The following GPLD1 variants were observed in gnomAD, a reference collection of about 807,000 sequenced individuals.
GPLD1 encodes phosphatidylinositol-glycan-specific phospholipase D.
In GPLD1, 84 loss-of-function variants were observed where a neutral mutation model predicts 112.6. The observed-to-expected ratio is 0.75, with a 90% CI of 0.63 to 0.89. The LOEUF (loss-of-function observed/expected upper bound fraction) is 0.89, where lower values mean the gene tolerates loss of function less well. Ranked by LOEUF, GPLD1 falls within the 40% of genes least tolerant of loss-of-function variation. GPLD1 has a pLI of 0.00. For missense variants in GPLD1, 1,044 were observed against 1,051.5 expected (o/e 0.99, Z 0.10); for synonymous variants, 386 against 403.8 (o/e 0.96, Z 0.53).
In GPLD1 at chr6:24,448,151, T is replaced by C; in HGVS notation, c.1504A>G (p.Ile502Val). The change falls in exon 16 of 25, where the codon ATC (isoleucine) becomes GTC (valine). Residue 502 changes from isoleucine to valine, a missense_variant. Ile to Val is a conservative substitution (Grantham distance 29). Coordinates refer to ENST00000230036, the MANE Select transcript of GPLD1 (RefSeq NM_001503.4). Reference protein sequence around the residue: ...KQGGMSSSPNITISCQDIYCN... With the variant: ...KQGGMSSSPNVTISCQDIYCN... ...AAACATACCTGGCAAGAAATGGTGATGTTAGGGGAAGAAGACATTCCTCCT... is the reference window on the plus strand; with the variant it reads ...AAACATACCTGGCAAGAAATGGTGACGTTAGGGGAAGAAGACATTCCTCCT... The C allele has an allele frequency of 1.9e-6, 3 of 1,611,266 alleles. No homozygotes were observed. Among genetic ancestry groups the C allele is most frequent in the Non-Finnish European group, 2.5e-6 (3 of 1,179,266 alleles).
intron 22 of GPLD1, 66 bp downstream of exon 22, chr6:24,436,510 G>A (rs1328641163): frequency 7.2e-7 from 1 of 1,386,976 alleles, no homozygotes; most frequent in Admixed American, 1.7e-5. Flanking sequence ...GTGGACATGA[G>A]TTAACAAGGA....
Position 24,437,187 on chromosome 6 carries a change from G to A in GPLD1, c.2123C>T (p.Thr708Ile), listed in dbSNP as rs767679674. 2 of 1,614,160 alleles carry A rather than the reference G, an allele frequency of 1.2e-6. No individual in the cohort carries two copies. Among genetic ancestry groups the A allele is most frequent in the South Asian group, 2.2e-5 (2 of 91,084 alleles). Residue 708 changes from threonine (T) to isoleucine (I), a missense_variant, in exon 21 of 25, where the codon ACC becomes ATC. By Grantham distance (89) the Thr-to-Ile change is moderately conservative (BLOSUM62 -1). Coordinates refer to ENST00000230036, the MANE Select transcript of GPLD1 (RefSeq NM_001503.4). ...TSDAQPLLLS[T>I]FSGDRRFSRF... The stretch of plus-strand genomic sequence containing the variant: ...GGAGAAGCGGCGGTCTCCGCTGAAG[G>A]TGCTGAGCAGCAGAGGCTGCGCGTC...
intron 7 of GPLD1, 140 bp downstream of exon 7, chr6:24,472,442 G>T: frequency 1.8e-6 from 1 of 569,914 alleles, no homozygotes; most frequent in South Asian, 2.4e-5. Flanking sequence ...TCTAAACTAT[G>T]CTAATATGCA....
chr6:24,446,312 A>G (rs553156327), intron 18 of GPLD1, among the ~76,000 whole-genome samples: 47 of 150,972 alleles, frequency 3.1e-4, no homozygotes, highest in Admixed American at 6.6e-4. Context: ...CCTGGGCAAC[A>G]CTGCAAAAAC....
At chr6:24,474,569 C>G (rs1763944771) in intron 5 of GPLD1, among the ~76,000 whole-genome samples, 1 of 152,146 alleles carries the variant, frequency 6.6e-6, no homozygotes, top group Admixed American at 6.6e-5. Flanking sequence ...AACAAAACAT[C>G]ACATCTATGA....
intron 15 of GPLD1, 91 bp downstream of exon 15, chr6:24,449,698 T>TGCTCCAGGGGCTCATCCCA (rs910870564): frequency 1.2e-6 from 1 of 805,470 alleles, no homozygotes; most frequent in African/African-American, 1.7e-5. Flanking sequence ...CTGTCTGCTT[T>TGCTCCAGGGGCTCATCCCA]GCTCCAGGGG....
Position 24,472,582 on chromosome 6 carries a change from C to T in GPLD1, c.545G>A (p.Trp182Ter). ...ATATTTAGATGTACATTGCTCTTAC[C>T]AGCGTCGTGCAAGGTAATTAAAATT... is the stretch of plus-strand genomic sequence containing the variant. ...EFNFNYLARR[W>*]YVPVKDLLGI... Residue 182 changes from tryptophan (W) to a stop codon, truncating the protein, a stop_gained and splice_region_variant, in exon 7 of 25, where the codon TGG (tryptophan) becomes TAG (stop). Transcript: ENST00000230036. LOFTEE classifies it high-confidence loss of function. 1 of 1,572,918 alleles carries T rather than the reference C, an allele frequency of 6.4e-7. No individual in the cohort carries two copies. The highest frequency in any genetic ancestry group is 8.8e-7 in the Non-Finnish European group (1 of 1,142,504).
At chr6:24,483,907 T>C in intron 2 of GPLD1, among the ~76,000 whole-genome samples, 1 of 101,712 alleles carries the variant, frequency 9.8e-6, no homozygotes, top group African/African-American at 4.7e-5. Flanking sequence ...CCACTTTGTT[T>C]TGTTTTGTTT....
chr6:24,436,617 C>A lies in GPLD1; in HGVS notation c.2317G>T (p.Gly773Cys), dbSNP rs754920573. 1.2e-6 allele frequency: 2 copies of A among 1,613,940 alleles called. No individual in the cohort carries two copies. Among genetic ancestry groups the A allele is most frequent in the South Asian group, 2.2e-5 (2 of 91,080 alleles). ...GGAGTTATCCATGATTTGCATTTGC[C>A]AGTCATGTCACCAAGGGTGGTCTCT... ...GKETTLGDMT[G>C]KCKSWITPCP... Residue 773 changes from glycine to cysteine, a missense_variant, in exon 22 of 25, where the codon GGC becomes TGC. Transcript: ENST00000230036.
chr6:24,440,530 T>C (rs1449171819), intron 20 of GPLD1, among the ~76,000 whole-genome samples: 1 of 142,528 alleles, frequency 7.0e-6, no homozygotes, highest in South Asian at 2.2e-4. Context: ...ACTATGAAGA[T>C]GTCAAGAAGA....
chr6:24,431,862 C>G (rs977860403), intron 24 of GPLD1, among the ~76,000 whole-genome samples: 2 of 152,046 alleles, frequency 1.3e-5, no homozygotes, highest in African/African-American at 4.8e-5. Context: ...TCTGCCATAT[C>G]GAAATTTAAA....
chr6:24,432,178 C>G (rs1762423986), intron 24 of GPLD1, among the ~76,000 whole-genome samples: 1 of 139,440 alleles, frequency 7.2e-6, no homozygotes, highest in South Asian at 2.2e-4. Context: ...GTCCAGGAGA[C>G]AGAGGTTGCA....
rs1317024841 is a variant in GPLD1, at chr6:24,437,208, G to A, written c.2102C>T (p.Ala701Val). ...GAAGGTGCTGAGCAGCAGAGGCTGCGCGTCAGATGTGAGTGCGTACATGCG... is the reference window on the plus strand; with the variant it reads ...GAAGGTGCTGAGCAGCAGAGGCTGCACGTCAGATGTGAGTGCGTACATGCG... Reference protein sequence around the residue: ...ATRMYALTSDAQPLLLSTFSG... With the variant: ...ATRMYALTSDVQPLLLSTFSG... Residue 701 changes from alanine to valine, a missense_variant, in exon 21 of 25, where the codon GCG becomes GTG. Transcript: ENST00000230036. The A allele has an allele frequency of 3.7e-6, 6 of 1,613,898 alleles. No homozygotes were observed. Among genetic ancestry groups the A allele is most frequent in the Non-Finnish European group, 4.2e-6 (5 of 1,179,842 alleles).
At chr6:24,467,030 T>C in intron 8 of GPLD1, 91 bp from the exon 9 acceptor site, 2 of 1,208,312 alleles carry the variant, frequency 1.7e-6, no homozygotes, top group African/African-American at 1.5e-5. Context: ...TCCACCCTTT[T>C]CCACCGTCAT....
rs769603507 is a variant in GPLD1, at chr6:24,489,563, A to G, written c.-52T>C. On this transcript the variant is annotated 5_prime_UTR_variant, in exon 1 of 25. Coordinates refer to ENST00000230036, the MANE Select transcript of GPLD1 (RefSeq NM_001503.4). ...GTGACGTGGGAATGCTCAGAGCTGC[A>G]GCAGCACTGGGACTCCAAAATCCAG... 1.9e-6 allele frequency: 3 copies of G among 1,611,324 alleles called. No homozygotes were observed. Among genetic ancestry groups the G allele is most frequent in the Non-Finnish European group, 2.5e-6 (3 of 1,178,580 alleles).
chr6:24,467,890 T>C (rs71555144), intron 7 of GPLD1, among the ~76,000 whole-genome samples: 1 of 151,472 alleles, frequency 6.6e-6, no homozygotes, highest in African/African-American at 2.4e-5. Flanking sequence ...TTCTGTGTGG[T>C]TGTTTTTGTT....
At chr6:24,471,048 T>A (rs188935829) in intron 7 of GPLD1, among the ~76,000 whole-genome samples, 1 of 152,308 alleles carries the variant, frequency 6.6e-6, no homozygotes, top group East Asian at 1.9e-4. Context: ...AAGGTACTTT[T>A]GAAGAAAAAG....
chr6:24,429,103 C>T lies in GPLD1; in HGVS notation c.2452G>A (p.Ala818Thr). 5 of 1,612,882 alleles carry T rather than the reference C, an allele frequency of 3.1e-6. No individual in the cohort carries two copies. Among genetic ancestry groups the T allele is most frequent in the Non-Finnish European group, 4.2e-6 (5 of 1,178,982 alleles). ...GCTCCCAAAGAACTCCTTCCAGCAG[C>T]AATGACGACTTGGTTCTGTAAGGGA... ...RSKAKNQVVI[A>T]AGRSSLGARL... The change falls in exon 25 of 25, where the codon GCT becomes ACT. Residue 818 changes from alanine to threonine, a missense_variant. Transcript: ENST00000230036.
intron 21 of GPLD1, 48 bp from the exon 22 acceptor site, chr6:24,436,784 T>A (rs1382692661): frequency 6.3e-7 from 1 of 1,583,338 alleles, no homozygotes; most frequent in African/African-American, 1.4e-5. Flanking sequence ...CTCCTCACTG[T>A]CATCTTTTCC....
Sources: gnomAD v4.1 joint callset for allele counts (sites outside exome capture counted in the v4.1 genomes callset) on GRCh38, gnomAD v4.1.1 for gene constraint, MANE v1.5 for transcripts, NCBI Gene and HGNC (gene_info 2026-07-23, HGNC 2026-07-21) for gene names.